The following FRYL variants were observed in gnomAD, a reference collection of about 807,000 sequenced individuals.
The protein encoded by FRYL is protein furry homolog-like.
A neutral mutation model predicts 351.2 loss-of-function variants in FRYL; 150 were observed. The observed-to-expected ratio is 0.43, with a 90% CI of 0.37 to 0.49. The LOEUF (loss-of-function observed/expected upper bound fraction) is 0.49. FRYL is among the 20% of genes least tolerant of loss of function. The pLI is 0.00. For missense variants in FRYL, 3,036 were observed against 3,619.3 expected, an observed-to-expected ratio of 0.84 and a Z score of 4.13; for synonymous variants, 1,153 against 1,257.1, an observed-to-expected ratio of 0.92 and a Z score of 1.75.
chr4:48,567,417 T>G lies in FRYL; in HGVS notation c.3000A>C (p.Ala1000=). ...GTGTTTCATTATCAAGGCCACCACT[T>G]GCACTGAAAATATTGAAGAAAACAA... ...LADAGVISHS[A]SGGLDNETHF... The change falls in exon 28 of 64, where the codon GCA becomes GCC. Residue 1000 remains alanine, a synonymous_variant. Coordinates refer to ENST00000358350, the MANE Select transcript of FRYL (RefSeq NM_015030.2). This position sits in a 1 kb window ranked among gnomAD's most constrained non-coding sequence, Gnocchi z 4.2. The G allele has an allele frequency of 6.3e-7, 1 of 1,591,472 alleles. No homozygotes were observed. The highest frequency in any genetic ancestry group is 8.5e-7 in the Non-Finnish European group (1 of 1,172,684).
At chr4:48,593,065 G>A (rs1307649862) in intron 16 of FRYL, among the ~76,000 whole-genome samples, 2 of 152,000 alleles carry the variant, frequency 1.3e-5, no homozygotes, top group Non-Finnish European at 2.9e-5. Context: ...GAGTTTACTA[G>A]TGAATAATGA....
intron 7 of FRYL, among the ~76,000 whole-genome samples, chr4:48,613,346 G>C (rs781031336): frequency 6.6e-6 from 1 of 151,994 alleles, no homozygotes; most frequent in Non-Finnish European, 1.5e-5. Context: ...GTATATACAG[G>C]GTTTGATATT....
chr4:48,731,950 C>T (rs1770774560), intron 1 of FRYL, among the ~76,000 whole-genome samples: 1 of 152,146 alleles, frequency 6.6e-6, no homozygotes, highest in South Asian at 2.1e-4. Flanking sequence ...AACTAAAGAG[C>T]TTCTGCACAG....
At chr4:48,753,998 T>C (rs1560357033) in intron 1 of FRYL, among the ~76,000 whole-genome samples, 1 of 152,222 alleles carries the variant, frequency 6.6e-6, no homozygotes, top group Non-Finnish European at 1.5e-5. Context: ...CTCAATACTA[T>C]TTAATTAATC....
At chr4:48,593,206 G>C (rs1743837609) in intron 16 of FRYL, among the ~76,000 whole-genome samples, 1 of 132,046 alleles carries the variant, frequency 7.6e-6, no homozygotes, top group South Asian at 2.5e-4. Context: ...AATAAATGTT[G>C]AATGAATGAG....
intron 7 of FRYL, among the ~76,000 whole-genome samples, chr4:48,612,870 T>C (rs1293026324): frequency 6.6e-6 from 1 of 152,148 alleles, no homozygotes; most frequent in Non-Finnish European, 1.5e-5. Flanking sequence ...ATTACAGGCG[T>C]GAGCCACCGC....
intron 4 of FRYL, among the ~76,000 whole-genome samples, chr4:48,631,157 A>T (rs1180149615): frequency 6.6e-6 from 1 of 152,174 alleles, no homozygotes; most frequent in African/African-American, 2.4e-5. Context: ...CTTGGTATAT[A>T]GGAGTGTAAG....
intron 1 of FRYL, among the ~76,000 whole-genome samples, chr4:48,762,666 CCT>C (rs754717936): frequency 1.3e-5 from 2 of 152,090 alleles, no homozygotes; most frequent in African/African-American, 2.4e-5. Context: ...AAACCACAAA[CCT>C]CTCACTGGAA....
At chr4:48,566,366 T>A (rs2149083357) in intron 28 of FRYL, among the ~76,000 whole-genome samples, 1 of 152,302 alleles carries the variant, frequency 6.6e-6, no homozygotes, top group Non-Finnish European at 1.5e-5. Context: ...TCTACATCTA[T>A]CCTTCTTGAA....
chr4:48,505,660 G>T, intron 59 of FRYL, 45 bp from the exon 60 acceptor site: 2 of 1,230,442 alleles, frequency 1.6e-6, no homozygotes, highest in Non-Finnish European at 2.4e-6. Flanking sequence ...AGTAAAATGG[G>T]TAGTGTAACA....
chr4:48,703,980 A>C (rs1767035611), intron 2 of FRYL, among the ~76,000 whole-genome samples: 1 of 152,250 alleles, frequency 6.6e-6, no homozygotes, highest in African/African-American at 2.4e-5. Flanking sequence ...TTGTGGATAA[A>C]GTCACATTCT....
chr4:48,577,237 T>C (rs573017835), intron 23 of FRYL, among the ~76,000 whole-genome samples: 1 of 152,326 alleles, frequency 6.6e-6, no homozygotes, highest in Middle Eastern at 3.4e-3. Flanking sequence ...CTTGAAAGAT[T>C]ACATCAATAA....
intron 59 of FRYL, among the ~76,000 whole-genome samples, chr4:48,508,237 T>C (rs369489285): frequency 1.1e-4 from 16 of 152,330 alleles, no homozygotes; most frequent in African/African-American, 3.6e-4. Context: ...TAAGCATTAT[T>C]AGTTGTTTGA....
intron 18 of FRYL, among the ~76,000 whole-genome samples, chr4:48,587,669 G>A (rs1362567052): frequency 1.3e-5 from 2 of 151,784 alleles, no homozygotes; most frequent in African/African-American, 2.4e-5. Context: ...TCAGCCTCCC[G>A]AGTAGCTGGG....
Position 48,510,862 on chromosome 4 carries a change from G to C in FRYL, c.8268C>G (p.Cys2756Trp). Reference sequence around the variant, plus strand: ...TTTCAGCATCCACAAAGACTGTTGGGCATTCTGAACACAGCATCATCACTT... The same window carrying C: ...TTTCAGCATCCACAAAGACTGTTGGCCATTCTGAACACAGCATCATCACTT... ...SLEVMMLCSE[C>W]PTVFVDAETL... The change falls in exon 58 of 64, where the codon TGC becomes TGG. Residue 2756 changes from cysteine to tryptophan, a missense_variant. By Grantham distance (215) the Cys-to-Trp change is radical. Coordinates refer to ENST00000358350, the MANE Select transcript of FRYL (RefSeq NM_015030.2). 2.5e-6 allele frequency: 4 copies of C among 1,612,806 alleles called. No individual in the cohort carries two copies. Among genetic ancestry groups the C allele is most frequent in the Non-Finnish European group, 3.4e-6 (4 of 1,179,328 alleles).
In FRYL at chr4:48,575,019, C is replaced by T. The variant is rs560403183; in HGVS notation, c.2846+98G>A. 90 of 1,144,232 alleles carry T rather than the reference C, an allele frequency of 7.9e-5. No homozygotes were observed. In the African/African-American group the frequency reaches 1.3e-3, roughly 16 times the overall value. 70.9% of individuals were successfully genotyped at this position (1,144,232 alleles called of 1,614,324 possible). ...CAGGCCTGGTATGCGGTCAAGCACT[C>T]TGCTTGACCCTACCACACCTTCTAA... On this transcript the variant is annotated intron_variant, in intron 25 of 63. Transcript: ENST00000358350.
chr4:48,638,960 G>C (rs1381528003), intron 3 of FRYL, among the ~76,000 whole-genome samples: 21 of 152,226 alleles, frequency 1.4e-4, no homozygotes, highest in Admixed American at 1.2e-3. Flanking sequence ...CTGTTGTGGG[G>C]TGGGAGGCTA....
chr4:48,525,163 G>GTATATATATATATATATA (rs57457069), intron 53 of FRYL, among the ~76,000 whole-genome samples: 6 of 139,898 alleles, frequency 4.3e-5, no homozygotes, highest in African/African-American at 1.4e-4. Flanking sequence ...ATTTTTAAAG[G>GTATATATATATATATATA]TATATATATA....
chr4:48,583,776 AC>A (rs1407906290), intron 19 of FRYL, among the ~76,000 whole-genome samples: 1 of 151,906 alleles, frequency 6.6e-6, no homozygotes, highest in East Asian at 1.9e-4. Context: ...GTGGTGGTGC[AC>A]GCCTGTAATC....
Sources: gnomAD v4.1 joint callset for allele counts (sites outside exome capture counted in the v4.1 genomes callset) on GRCh38, gnomAD v4.1.1 for gene constraint, Gnocchi (gnomAD v3.1) non-coding constraint, MANE v1.5 for transcripts, NCBI Gene and HGNC (gene_info 2026-07-23, HGNC 2026-07-21) for gene names.